Variants in FAM43A observed in about 807,000 individuals in gnomAD.
FAM43A encodes family with sequence similarity 43 member A, also known as protein FAM43A.
A neutral mutation model predicts 15.7 loss-of-function variants in FAM43A; 11 were observed. The observed-to-expected ratio is 0.70, with a 90% CI of 0.44 to 1.16. The LOEUF is 1.16. FAM43A is among the 50% of genes most tolerant of loss of function. FAM43A has a pLI of 0.00. For missense variants in FAM43A, 573 were observed against 620.0 expected, an observed-to-expected ratio of 0.92 and a Z score of 0.80; for synonymous variants, 319 against 291.7, an observed-to-expected ratio of 1.09 and a Z score of -0.96.
Position 194,686,714 on chromosome 3 carries a change from TTA to T in FAM43A, c.-111_-110del. On this transcript the variant is annotated 5_prime_UTR_variant, in exon 1 of 1. Coordinates refer to ENST00000329759, the MANE Select transcript of FAM43A (RefSeq NM_153690.5). ...TACCACAGGGCCGCTCCCAGTAGTT[TTA>T]TTCTTCGATCTTGCCCGGGCCGAGC... 8.7e-7 allele frequency: 1 copy of T among 1,146,396 alleles called. No individual in the cohort carries two copies. The highest frequency in any genetic ancestry group is 1.1e-6 in the Non-Finnish European group (1 of 893,636). 71.0% of individuals were successfully genotyped at this position (1,146,396 alleles called of 1,614,324 possible).
Sources: gnomAD v4.1 joint callset for allele counts on GRCh38, gnomAD v4.1.1 for gene constraint, MANE v1.5 for transcripts, NCBI Gene and HGNC (gene_info 2026-07-23, HGNC 2026-07-21) for gene names.